The following AGTPBP1 variants were observed in gnomAD, a reference collection of about 807,000 sequenced individuals.
The protein encoded by AGTPBP1 is cytosolic carboxypeptidase 1.
Under a neutral mutation model 143.9 loss-of-function variants are expected in AGTPBP1, and 70 were observed. The observed-to-expected ratio is 0.49, with a 90% CI of 0.40 to 0.59. The LOEUF (loss-of-function observed/expected upper bound fraction) is 0.59, where lower values mean the gene tolerates loss of function less well. Ranked by LOEUF, AGTPBP1 falls within the 20% of genes least tolerant of loss-of-function variation. The probability of loss-of-function intolerance (pLI) is 0.00; values close to 1 mark genes in which losing one functional copy is unlikely to be tolerated. For missense variants in AGTPBP1, 1,229 were observed against 1,464.5 expected, an observed-to-expected ratio of 0.84 and a Z score of 2.62; for synonymous variants, 463 against 500.2, an observed-to-expected ratio of 0.93 and a Z score of 0.99.
At chr9:85,762,334 C>T in the AGTPBP1 span, among the ~76,000 whole-genome samples, 38 of 151,970 alleles carry the variant, frequency 2.5e-4, no homozygotes, top group South Asian at 8.3e-4. Flanking sequence ...ATGTTTATTG[C>T]GGCACTATTC....
chr9:85,793,385 T>G, the AGTPBP1 span: 1 of 152,154 alleles, frequency 6.6e-6, no homozygotes, highest in Non-Finnish European at 1.5e-5. Flanking sequence ...GACTTTTAGC[T>G]CCTAAATACA....
At chr9:85,761,503 G>A in the AGTPBP1 span, among the ~76,000 whole-genome samples, 1 of 152,154 alleles carries the variant, frequency 6.6e-6, no homozygotes, top group East Asian at 1.9e-4. Flanking sequence ...TGACAAACCT[G>A]ACAAAAACGA....
the AGTPBP1 span, among the ~76,000 whole-genome samples, chr9:85,774,219 A>G: frequency 6.6e-6 from 1 of 152,160 alleles, no homozygotes; most frequent in Non-Finnish European, 1.5e-5. Flanking sequence ...TTGTAGGGCT[A>G]TTCATGCTTG....
Position 85,575,368 on chromosome 9 carries a change from G to C in AGTPBP1, c.3450C>G (p.Ser1150=), listed in dbSNP as rs1277075921. The part of the protein sequence containing the change: ...LTSPLEYNLP[S]SLLDFENDLI... ...AATCATTTTCAAAGTCAAGCAGGCT[G>C]GAAGGCAGATTATACTCCAATGGAG... The change falls in exon 25 of 26, where the codon TCC becomes TCG. Residue 1150 remains serine, a synonymous_variant. Transcript: ENST00000357081. 6.2e-7 allele frequency: 1 copy of C among 1,605,670 alleles called. No homozygotes were observed.
chr9:85,639,218 C>A (rs1832284959), intron 13 of AGTPBP1, among the ~76,000 whole-genome samples: 2 of 151,058 alleles, frequency 1.3e-5, no homozygotes, highest in Admixed American at 1.3e-4. Context: ...ACCAATGAAT[C>A]AAAAAAAATA....
intron 15 of AGTPBP1, among the ~76,000 whole-genome samples, chr9:85,620,966 AAAAC>A (rs1040025008): frequency 4.6e-5 from 7 of 152,332 alleles, no homozygotes; most frequent in Non-Finnish European, 7.3e-5. Flanking sequence ...AATCTACCTA[AAAAC>A]AAACAAAATC....
At chr9:85,702,610 C>T (rs1836739495) in intron 2 of AGTPBP1, among the ~76,000 whole-genome samples, 1 of 151,082 alleles carries the variant, frequency 6.6e-6, no homozygotes, top group East Asian at 1.9e-4. Flanking sequence ...AGAATTTTCA[C>T]CTGCTTCCTA....
At chr9:85,552,868 ATT>A (rs1176789247) in intron 25 of AGTPBP1, among the ~76,000 whole-genome samples, 1 of 152,148 alleles carries the variant, frequency 6.6e-6, no homozygotes, top group East Asian at 1.9e-4. Context: ...ATGGGGGAAA[ATT>A]TTTGAAAATG....
At chr9:85,698,957 C>A (rs1314092274) in intron 2 of AGTPBP1, among the ~76,000 whole-genome samples, 3 of 151,564 alleles carry the variant, frequency 2.0e-5, no homozygotes, top group Non-Finnish European at 4.4e-5. Flanking sequence ...CCTCCCAAAG[C>A]GCTGAGATTA....
upstream of AGTPBP1, among the ~76,000 whole-genome samples, chr9:85,743,535 A>G (rs1248994797): frequency 6.6e-6 from 1 of 152,216 alleles, no homozygotes; most frequent in Admixed American, 6.5e-5. Context: ...ACGTGTATGA[A>G]GTTGAAATAA....
At chr9:85,697,512 G>A (rs1449195205) in intron 2 of AGTPBP1, among the ~76,000 whole-genome samples, 1 of 141,784 alleles carries the variant, frequency 7.1e-6, no homozygotes, top group African/African-American at 2.7e-5. Flanking sequence ...GAGTGCAGTG[G>A]CGCAATCTCG....
In AGTPBP1 at chr9:85,642,589, C is replaced by T. The variant is rs185256418; in HGVS notation, c.1302+238G>A. 2.2e-3 allele frequency among the ~76,000 whole-genome samples: 336 copies of T among 151,924 alleles called. 3 individuals are homozygous for T. Among genetic ancestry groups the T allele is most frequent in the African/African-American group, 7.7e-3 (321 of 41,436 alleles). On this transcript the variant is annotated intron_variant, in intron 13 of 25. Transcript: ENST00000357081. ...CCTCGTGATCCACATACCTCGGCCTCCCAAAGTGCTGGGATTACAGGTGTG... is the reference window on the plus strand; with the variant it reads ...CCTCGTGATCCACATACCTCGGCCTTCCAAAGTGCTGGGATTACAGGTGTG...
At chr9:85,781,428 A>T in the AGTPBP1 span, 4 of 1,385,506 alleles carry the variant, frequency 2.9e-6, no homozygotes, top group Non-Finnish European at 3.8e-6. Context: ...AAGTCATGCC[A>T]GCTTTGTAGT....
At chr9:85,768,166 C>T in the AGTPBP1 span, among the ~76,000 whole-genome samples, 1 of 152,186 alleles carries the variant, frequency 6.6e-6, no homozygotes. Context: ...GCGGGCTGTC[C>T]TTGGGTTTCT....
At chr9:85,779,020 A>C in the AGTPBP1 span, among the ~76,000 whole-genome samples, 2 of 152,072 alleles carry the variant, frequency 1.3e-5, no homozygotes, top group Admixed American at 1.3e-4. Context: ...TAGAGTCCTT[A>C]GCATTTTTGG....
At chr9:85,576,827 T>C (rs981638177) in intron 24 of AGTPBP1, among the ~76,000 whole-genome samples, 1 of 152,182 alleles carries the variant, frequency 6.6e-6, no homozygotes, top group Admixed American at 6.5e-5. Context: ...GTATATGTTA[T>C]GATCAAAACC....
rs547656301 is a variant in AGTPBP1 at position 85,663,607 on chromosome 9, TA to T, written c.663-2635del. On this transcript the variant is annotated intron_variant, in intron 8 of 25. Coordinates refer to ENST00000357081, the MANE Select transcript of AGTPBP1 (RefSeq NM_001330701.2). ...AAAAAAGCAAGGAAAAAAAGACCCA[TA>T]ATGATGGGGGAAAAAAAAAAAACAA... Among the ~76,000 whole-genome samples, 58 of 147,242 alleles carry T rather than the reference TA, an allele frequency of 3.9e-4. No homozygotes were observed. In the South Asian group the frequency reaches 0.012, roughly 30 times the overall value.
At chr9:85,738,397 C>T (rs974861051) in intron 1 of AGTPBP1, among the ~76,000 whole-genome samples, 17 of 151,804 alleles carry the variant, frequency 1.1e-4, no homozygotes, top group African/African-American at 4.1e-4. Flanking sequence ...ACTGATTTCA[C>T]ACTATATAAT....
intron 14 of AGTPBP1, among the ~76,000 whole-genome samples, chr9:85,622,755 C>T (rs1050381198): frequency 5.3e-5 from 8 of 152,080 alleles, no homozygotes; most frequent in African/African-American, 1.7e-4. Flanking sequence ...TAAAAGCTAT[C>T]GATTATAGTA....
Sources: allele counts gnomAD v4.1 joint callset (sites outside exome capture counted in the v4.1 genomes callset), GRCh38; gene constraint gnomAD v4.1.1; transcripts MANE v1.5; gene names NCBI Gene and HGNC (gene_info 2026-07-23, HGNC 2026-07-21).